Variants in LRIG2 observed in about 807,000 individuals in gnomAD.
The protein encoded by LRIG2 is leucine-rich repeats and immunoglobulin-like domains protein 2.
LRIG2 carries 93 observed loss-of-function variants against 107.8 expected under a neutral mutation model. The observed-to-expected ratio is 0.86, with a 90% CI of 0.73 to 1.03. The LOEUF (loss-of-function observed/expected upper bound fraction) is 1.03. LRIG2 is among the 50% of genes least tolerant of loss of function. The pLI is 0.00. For missense variants in LRIG2, 1,226 were observed against 1,296.0 expected (o/e 0.95, Z 0.83); for synonymous variants, 471 against 470.6 (o/e 1.00, Z -0.01).
At position 113,095,883 on chromosome 1, in the gene LRIG2, A is replaced by T. The variant is rs755495491; in HGVS notation, c.813A>T (p.Glu271Asp). 6.2e-7 allele frequency: 1 copy of T among 1,614,220 alleles called. No individual in the cohort carries two copies. Among genetic ancestry groups the T allele is most frequent in the Non-Finnish European group, 8.5e-7 (1 of 1,180,038 alleles). ...GLNNMEELELEHNNLTRVNKG... is the reference protein window; with the variant it reads ...GLNNMEELELDHNNLTRVNKG... ...TTCTCTAATTCTGCAGAGAACTGGAACACAACAACCTTACACGAGTAAACA... is the reference window on the plus strand; with the variant it reads ...TTCTCTAATTCTGCAGAGAACTGGATCACAACAACCTTACACGAGTAAACA... Residue 271 changes from glutamate to aspartate, a missense_variant, in exon 7 of 18, where the codon GAA becomes GAT. Physicochemically the swap from Glu to Asp is conservative, Grantham distance 45 (BLOSUM62 2). Transcript: ENST00000361127.
In LRIG2 at chr1:113,124,075, A is replaced by G. The variant is rs1382567582; in HGVS notation, c.3172A>G (p.Ile1058Val). The change falls in exon 18 of 18, where the codon ATT (isoleucine) becomes GTT (valine). Residue 1058 changes from isoleucine (I) to valine (V), a missense_variant. Transcript: ENST00000361127. ...HAFDFSRTRN[I>V]QDGSEGT ...TTTTGATTTTAGTAGGACTCGGAACATTCAAGATGGTAGTGAGGGCACATG... is the reference window on the plus strand; with the variant it reads ...TTTTGATTTTAGTAGGACTCGGAACGTTCAAGATGGTAGTGAGGGCACATG... The G allele has an allele frequency of 1.2e-6, 2 of 1,614,096 alleles. No individual in the cohort carries two copies. Among genetic ancestry groups the G allele is most frequent in the East Asian group, 4.5e-5 (2 of 44,900 alleles).
intron 1 of LRIG2, among the ~76,000 whole-genome samples, chr1:113,091,103 T>C (rs1469738111): frequency 6.6e-6 from 1 of 151,924 alleles, no homozygotes; most frequent in Non-Finnish European, 1.5e-5. Context: ...CTGGCAAATA[T>C]TTGTATTTTT....
chr1:113,105,384 C>A (rs899925097), intron 11 of LRIG2, among the ~76,000 whole-genome samples: 15 of 152,130 alleles, frequency 9.9e-5, no homozygotes, highest in Non-Finnish European at 2.1e-4. Flanking sequence ...ATTTGAGGAG[C>A]TTTCTCTCCC....
chr1:113,128,898 C>G lies in LRIG2; in HGVS notation c.*4797C>G, dbSNP rs932333121. 6.6e-6 allele frequency: 1 copy of G among 152,180 alleles called. No individual in the cohort carries two copies. The highest frequency in any genetic ancestry group is 2.4e-5 in the African/African-American group (1 of 41,442). The allele number at this position is 152,180 out of a possible 1,614,324, so 9.4% of individuals were successfully genotyped here. A position where few individuals can be genotyped will look rare whatever the true frequency, so the allele number is the denominator to read the frequency against. On this transcript the variant is annotated 3_prime_UTR_variant, in exon 18 of 18. Coordinates refer to ENST00000361127, the MANE Select transcript of LRIG2 (RefSeq NM_014813.3). ...TCCCTATAATTATATTACTCTCGCTCAAATTCTGATAGATTTCCTGAATGG... is the reference window on the plus strand; with the variant it reads ...TCCCTATAATTATATTACTCTCGCTGAAATTCTGATAGATTTCCTGAATGG...
In LRIG2 at chr1:113,098,687, T is replaced by C. The variant is rs565502519; in HGVS notation, c.1092-18T>C. The C allele has an allele frequency of 4.5e-6, 7 of 1,544,284 alleles. No homozygotes were observed. Among genetic ancestry groups the C allele is most frequent in the Admixed American group, 1.7e-5 (1 of 59,922 alleles). ...TGTATTGACTAATAGCACCTGTCTT[T>C]CTCTGACATTTTTGTAGAGACTTAA... is the stretch of plus-strand genomic sequence containing the variant. On this transcript the variant is annotated intron_variant, in intron 8 of 17. Transcript: ENST00000361127.
intron 11 of LRIG2, among the ~76,000 whole-genome samples, chr1:113,104,336 TTC>T (rs1654442298): frequency 1.3e-5 from 2 of 152,118 alleles, no homozygotes; most frequent in Non-Finnish European, 2.9e-5. Flanking sequence ...CCCCCCACCC[TTC>T]CTGGGGATCT....
intron 8 of LRIG2, among the ~76,000 whole-genome samples, chr1:113,098,166 G>T (rs1570747217): frequency 6.6e-6 from 1 of 152,288 alleles, no homozygotes; most frequent in South Asian, 2.1e-4. Flanking sequence ...AAAATCTGAT[G>T]ACACGCTAAC....
intron 13 of LRIG2, among the ~76,000 whole-genome samples, chr1:113,110,832 ATTC>A (rs935119791): frequency 2.8e-4 from 42 of 152,122 alleles, no homozygotes; most frequent in Non-Finnish European, 2.5e-4. Context: ...TTTTGAAGAC[ATTC>A]TTATGAAATT....
At chr1:113,096,697 C>G (rs1276768237) in intron 8 of LRIG2, among the ~76,000 whole-genome samples, 1 of 152,172 alleles carries the variant, frequency 6.6e-6, no homozygotes, top group Non-Finnish European at 1.5e-5. Context: ...TGACAATACA[C>G]CAGAGCTACT....
rs568141690 is a variant in LRIG2, at chr1:113,131,261, T to C, written c.*7160T>C. ...TCTTGATAATTTTTATTCTTGTTTC[T>C]TCTTATCTGTGGGACTCCAATTAGA... On this transcript the variant is annotated 3_prime_UTR_variant, in exon 18 of 18. Transcript: ENST00000361127. 5.3e-5 allele frequency: 8 copies of C among 152,330 alleles called. 1 individual carries two copies. In the South Asian group the frequency reaches 1.7e-3, roughly 32 times the overall value. The allele number at this position is 152,330 out of a possible 1,614,324, so 9.4% of individuals were successfully genotyped here.
chr1:113,105,495 A>G (rs773622283), intron 11 of LRIG2, among the ~76,000 whole-genome samples: 46 of 152,288 alleles, frequency 3.0e-4, no homozygotes, highest in Admixed American at 1.2e-3. Flanking sequence ...ACCTCCTGTT[A>G]TTGATGCAAA....
At chr1:113,087,909 A>C (rs1302795718) in intron 1 of LRIG2, among the ~76,000 whole-genome samples, 1 of 152,198 alleles carries the variant, frequency 6.6e-6, no homozygotes, top group South Asian at 2.1e-4. Flanking sequence ...TGCTTTTGGA[A>C]AAAGAAAAAG....
intron 8 of LRIG2, among the ~76,000 whole-genome samples, chr1:113,097,982 T>G (rs1435092319): frequency 6.6e-6 from 1 of 152,226 alleles, no homozygotes; most frequent in Non-Finnish European, 1.5e-5. Flanking sequence ...ACATGTCCCT[T>G]ATAAAGTAGA....
At chr1:113,115,278 A>G (rs568108498) in intron 15 of LRIG2, among the ~76,000 whole-genome samples, 1 of 152,164 alleles carries the variant, frequency 6.6e-6, no homozygotes, top group Non-Finnish European at 1.5e-5. Flanking sequence ...GTATCGGTAC[A>G]TTCATGGCTC....
chr1:113,123,444 C>A (rs1243871112), intron 17 of LRIG2, among the ~76,000 whole-genome samples: 1 of 150,546 alleles, frequency 6.6e-6, no homozygotes, highest in Admixed American at 6.6e-5. Context: ...CATGGTGGCA[C>A]ATGCCTGTAA....
chr1:113,096,952 A>T (rs1001743611), intron 8 of LRIG2, among the ~76,000 whole-genome samples: 1 of 152,176 alleles, frequency 6.6e-6, no homozygotes, highest in African/African-American at 2.4e-5. Flanking sequence ...CCAGAATCAG[A>T]TCCCAGGTCT....
chr1:113,090,979 G>A (rs1008805608), intron 1 of LRIG2, among the ~76,000 whole-genome samples: 2 of 151,516 alleles, frequency 1.3e-5, no homozygotes, highest in Non-Finnish European at 2.9e-5. Context: ...AGCCTCCTGA[G>A]TAGCTGGGAT....
intron 11 of LRIG2, among the ~76,000 whole-genome samples, chr1:113,106,155 G>A (rs1194623498): frequency 6.6e-6 from 1 of 152,044 alleles, no homozygotes; most frequent in Non-Finnish European, 1.5e-5. Flanking sequence ...TTGAACCCGG[G>A]AGGCGGAGGT....
chr1:113,110,402 G>A lies in LRIG2; in HGVS notation c.1638G>A (p.Glu546=), dbSNP rs138709282. Residue 546 remains glutamate, a synonymous_variant, in exon 13 of 18, where the codon GAG becomes GAA. Transcript: ENST00000361127. ...AAATCCTGTATGACGTGGATACTGA[G>A]AATTTTGTTCGTTATTGGCAGCAAG... ...DSEILYDVDT[E]NFVRYWQQAG... is the part of the protein sequence containing the mutation. 3.4e-4 allele frequency: 544 copies of A among 1,614,198 alleles called. 5 individuals carry two copies. The South Asian group carries it at 5.1e-3, about 15-fold the overall frequency.
Sources: allele counts gnomAD v4.1 joint callset (sites outside exome capture counted in the v4.1 genomes callset), GRCh38; gene constraint gnomAD v4.1.1; transcripts MANE v1.5; gene names NCBI Gene and HGNC (gene_info 2026-07-23, HGNC 2026-07-21).